Variants in TAF1 observed in about 807,000 individuals in gnomAD.
The protein encoded by TAF1 is TATA-box binding protein associated factor 1.
Under a neutral mutation model 138.5 loss-of-function variants are expected in TAF1, and 2 were observed. That is an observed-to-expected ratio of 0.01 (90% CI 0.01 to 0.05). The LOEUF is 0.05. TAF1 is among the 10% of genes least tolerant of loss of function. The pLI, the probability that TAF1 is intolerant of heterozygous loss-of-function variation, is 1.00. For synonymous variants in TAF1, 437 were observed against 503.2 expected, an observed-to-expected ratio of 0.87 and a Z score of 1.76; for missense variants, 709 against 1,478.0, an observed-to-expected ratio of 0.48 and a Z score of 8.53.
intron 13 of TAF1, among the ~76,000 whole-genome samples, chrX:71,511,893 G>A (rs2039737627): frequency 9.1e-6 from 1 of 110,359 alleles, no homozygotes; most frequent in Non-Finnish European, 1.9e-5. Context: ...GCACACGCCT[G>A]TAGTCTCAGC....
chrX:71,420,861 C>T (rs975781290), intron 28 of TAF1, among the ~76,000 whole-genome samples: 6 of 112,463 alleles, frequency 5.3e-5, no homozygotes, highest in Non-Finnish European at 9.4e-5. Context: ...AGGCCGTTCC[C>T]GTAGTCCCCT....
chrX:71,501,911 C>T (rs1300842179), intron 13 of TAF1, among the ~76,000 whole-genome samples: 3 of 111,521 alleles, frequency 2.7e-5, no homozygotes, highest in African/African-American at 3.3e-5. Flanking sequence ...CCATCTGGGT[C>T]GCCAGGATGT....
chrX:71,498,632 G>A (rs762946215), intron 13 of TAF1, among the ~76,000 whole-genome samples: 5 of 110,922 alleles, frequency 4.5e-5, no homozygotes, highest in Middle Eastern at 4.2e-3. Context: ...TTGCCCTTCC[G>A]AATTGTCCTT....
chrX:71,367,471 T>C lies in TAF1; in HGVS notation c.121-28T>C, dbSNP rs1337655955. On this transcript the variant is annotated intron_variant, in intron 1 of 37. Coordinates refer to ENST00000423759, the MANE Select transcript of TAF1 (RefSeq NM_004606.5). ...GTGGGAGTCGTAGGTTTAGTTGTTA[T>C]CTTCGACTCGTGCTGTCCCTTTTTC... The C allele has an allele frequency of 2.5e-6, 3 of 1,202,011 alleles. 1 individual carries two copies. The African/African-American group carries it at 5.3e-5, about 21-fold the overall frequency.
intron 13 of TAF1, among the ~76,000 whole-genome samples, chrX:71,477,776 T>G (rs1278308870): frequency 9.0e-6 from 1 of 111,534 alleles, no homozygotes; most frequent in African/African-American, 3.3e-5. Flanking sequence ...GGTGGATCAC[T>G]CGAGGTCAGG....
At chrX:71,367,172 C>A (rs1379679282) in intron 1 of TAF1, among the ~76,000 whole-genome samples, 1 of 112,655 alleles carries the variant, frequency 8.9e-6, no homozygotes, top group Non-Finnish European at 1.9e-5. Flanking sequence ...GCCTCCAATC[C>A]CACTGATCCC....
At chrX:71,526,312 C>CA (rs765389485) in intron 13 of TAF1, among the ~76,000 whole-genome samples, 1 of 111,721 alleles carries the variant, frequency 9.0e-6, no homozygotes, top group East Asian at 2.8e-4. Context: ...ATAGATAACA[C>CA]AAAAAATACT....
intron 32 of TAF1, among the ~76,000 whole-genome samples, chrX:71,427,334 T>C (rs2036640431): frequency 8.9e-6 from 1 of 111,913 alleles, no homozygotes; most frequent in South Asian, 3.7e-4. Context: ...GGGTCAATTA[T>C]CCATTATTGT....
At chrX:71,411,324 C>G (rs1313705536) in intron 28 of TAF1, among the ~76,000 whole-genome samples, 1 of 111,568 alleles carries the variant, frequency 9.0e-6, no homozygotes, top group African/African-American at 3.3e-5. Flanking sequence ...TCAAGCGATT[C>G]ACTGACCTTG....
intron 13 of TAF1, among the ~76,000 whole-genome samples, chrX:71,477,285 T>G: frequency 9.0e-6 from 1 of 110,972 alleles, no homozygotes. Flanking sequence ...TTAAAAAATT[T>G]TTTTAATTTT....
chrX:71,478,416 G>C (rs781610130), intron 13 of TAF1, among the ~76,000 whole-genome samples: 1 of 110,930 alleles, frequency 9.0e-6, no homozygotes, highest in African/African-American at 3.3e-5. Context: ...CAATGCTTTG[G>C]GGGCCGAGGT....
chrX:71,407,877 G>A (rs769187765), intron 27 of TAF1, 97 bp from the exon 28 acceptor site: 127 of 1,082,313 alleles, frequency 1.2e-4, no homozygotes, highest in Non-Finnish European at 1.5e-4. Context: ...TCCTTTCAGT[G>A]TTGATAGCCA....
intron 32 of TAF1, among the ~76,000 whole-genome samples, chrX:71,453,346 G>A (rs764175434): frequency 9.2e-6 from 1 of 108,710 alleles, no homozygotes; most frequent in Admixed American, 9.8e-5. Context: ...ATCTCTTTAG[G>A]CCAGGAGTTC....
intron 3 of TAF1, among the ~76,000 whole-genome samples, chrX:71,371,948 C>CT: frequency 8.9e-6 from 1 of 111,834 alleles, no homozygotes. Context: ...GTTGGCTTTC[C>CT]TTTTTTTCTG....
chrX:71,437,779 A>G (rs143630241), intron 32 of TAF1, among the ~76,000 whole-genome samples: 3,063 of 108,851 alleles, frequency 0.028, 118 homozygotes, highest in African/African-American at 0.097. Flanking sequence ...TTCTCTTTCC[A>G]TACAGACTTT....
intron 16 of TAF1, 33 bp from the exon 17 acceptor site, chrX:71,388,705 T>C: frequency 8.3e-7 from 1 of 1,209,607 alleles, no homozygotes; most frequent in Non-Finnish European, 1.1e-6. Context: ...GAATTCAGAA[T>C]GGTCTCATTC....
intron 37 of TAF1, among the ~76,000 whole-genome samples, chrX:71,462,977 G>A (rs1017126841): frequency 8.9e-6 from 1 of 111,834 alleles, no homozygotes; most frequent in Non-Finnish European, 1.9e-5. Context: ...AGACTGTTAA[G>A]TCATGTTACA....
At chrX:71,490,448 A>G (rs1602833110) in intron 13 of TAF1, among the ~76,000 whole-genome samples, 1 of 110,643 alleles carries the variant, frequency 9.0e-6, no homozygotes, top group Middle Eastern at 4.6e-3. Flanking sequence ...TTTTTTTGAG[A>G]CGGAGTCTCT....
intron 5 of TAF1, 144 bp from the exon 6 acceptor site, chrX:71,377,459 T>C: frequency 1.2e-6 from 1 of 835,671 alleles, no homozygotes; most frequent in African/African-American, 2.1e-5. Flanking sequence ...TTTACTTTCT[T>C]AGACGTTACA....
Sources: allele counts gnomAD v4.1 joint callset (sites outside exome capture counted in the v4.1 genomes callset), GRCh38; gene constraint gnomAD v4.1.1; transcripts MANE v1.5; gene names NCBI Gene and HGNC (gene_info 2026-07-23, HGNC 2026-07-21).